The following SCAMP1 variants were observed in gnomAD, a reference collection of about 807,000 sequenced individuals.
SCAMP1 encodes secretory carrier-associated membrane protein 1.
Under a neutral mutation model 41.8 loss-of-function variants are expected in SCAMP1, and 15 were observed. The observed-to-expected ratio is 0.36, with a 90% CI of 0.24 to 0.55. SCAMP1 has a LOEUF of 0.55. Ranked by LOEUF, SCAMP1 falls within the 20% of genes least tolerant of loss-of-function variation. SCAMP1 has a pLI of 0.86. For missense variants in SCAMP1, 341 were observed against 412.6 expected (o/e 0.83, Z 1.50); for synonymous variants, 135 against 136.8 (o/e 0.99, Z 0.09).
At chr5:78,384,756 A>G (rs1208123395) in intron 1 of SCAMP1, among the ~76,000 whole-genome samples, 24 of 152,038 alleles carry the variant, frequency 1.6e-4, no homozygotes, top group Admixed American at 1.6e-3. Flanking sequence ...TATCACATTT[A>G]TTGACTTGTG....
At chr5:78,409,787 A>C (rs1752025574) in intron 2 of SCAMP1, among the ~76,000 whole-genome samples, 1 of 152,150 alleles carries the variant, frequency 6.6e-6, no homozygotes, top group Non-Finnish European at 1.5e-5. Flanking sequence ...CTACTAGTTT[A>C]TTATACTTAA....
intron 8 of SCAMP1, among the ~76,000 whole-genome samples, chr5:78,463,263 C>G (rs1753662231): frequency 6.6e-6 from 1 of 152,256 alleles, no homozygotes; most frequent in South Asian, 2.1e-4. Flanking sequence ...TCTGCTAAGA[C>G]TTTGCAATGA....
intron 1 of SCAMP1, chr5:78,370,920 A>G (rs895247662): frequency 2.0e-5 from 3 of 152,176 alleles, no homozygotes; most frequent in African/African-American, 7.2e-5. Context: ...TCTGCTGATA[A>G]CTAATGATGT....
Position 78,416,647 on chromosome 5 carries a change from A to G in SCAMP1, c.341A>G (p.His114Arg), listed in dbSNP as rs1354791577. ...REREMQNLSQ[H>R]GRKNNWPPLP... ...CGAGAAATGCAAAACCTCAGTCAAC[A>G]TGGTAGTATCCAAAGAAATTTGAAA... Residue 114 changes from histidine (H) to arginine (R), a missense_variant and splice_region_variant, in exon 4 of 9, where the codon CAT becomes CGT. Physicochemically the swap from His to Arg is conservative, Grantham distance 29. Coordinates refer to ENST00000621999, the MANE Select transcript of SCAMP1 (RefSeq NM_004866.6). 3 of 1,576,550 alleles carry G rather than the reference A, an allele frequency of 1.9e-6. No individual in the cohort carries two copies. Among genetic ancestry groups the G allele is most frequent in the African/African-American group, 1.4e-5 (1 of 73,758 alleles).
rs905145403 is a variant in SCAMP1, at chr5:78,479,721, T to G, written c.*4053T>G. On this transcript the variant is annotated 3_prime_UTR_variant, in exon 9 of 9. Transcript: ENST00000621999. ...GGGTTTTATATTTACAATTTAACTT[T>G]GGGGTTTGGGTAAGACAAACATTTA... is the stretch of plus-strand genomic sequence containing the variant. Among the ~76,000 whole-genome samples the G allele has an allele frequency of 7.2e-5, 11 of 152,200 alleles. No individual in the cohort carries two copies. The highest frequency in any genetic ancestry group is 1.3e-4 in the Non-Finnish European group (9 of 68,028).
chr5:78,433,141 C>T (rs962409580), intron 6 of SCAMP1, among the ~76,000 whole-genome samples: 12 of 152,046 alleles, frequency 7.9e-5, no homozygotes, highest in African/African-American at 2.9e-4. Flanking sequence ...TGTTGGCCAC[C>T]TTTTTGACTA....
chr5:78,375,437 A>G (rs912334581), intron 1 of SCAMP1, among the ~76,000 whole-genome samples: 1 of 152,172 alleles, frequency 6.6e-6, no homozygotes, highest in Non-Finnish European at 1.5e-5. Flanking sequence ...AACCCAAGTC[A>G]TAAAGCTCTT....
intron 6 of SCAMP1, among the ~76,000 whole-genome samples, chr5:78,448,954 T>C (rs987729128): frequency 1.3e-5 from 2 of 150,540 alleles, no homozygotes; most frequent in African/African-American, 4.9e-5. Context: ...GAGCCAAGAT[T>C]GCGCCATTGC....
chr5:78,379,788 G>A (rs1159556428), intron 1 of SCAMP1, among the ~76,000 whole-genome samples: 4 of 152,176 alleles, frequency 2.6e-5, no homozygotes, highest in African/African-American at 9.7e-5. Context: ...TCGTACTTCT[G>A]TGGCACTGAG....
At chr5:78,383,748 T>C (rs1332133082) in intron 1 of SCAMP1, among the ~76,000 whole-genome samples, 2 of 152,060 alleles carry the variant, frequency 1.3e-5, no homozygotes, top group African/African-American at 4.8e-5. Context: ...CGGTAAGTAT[T>C]TGGGTTTATT....
At chr5:78,470,758 T>C (rs1219124023) in intron 8 of SCAMP1, among the ~76,000 whole-genome samples, 1 of 152,176 alleles carries the variant, frequency 6.6e-6, no homozygotes, top group African/African-American at 2.4e-5. Flanking sequence ...CTGGAAGGAC[T>C]GTATCATTTT....
intron 6 of SCAMP1, among the ~76,000 whole-genome samples, chr5:78,447,216 T>C (rs1362668902): frequency 6.6e-6 from 1 of 152,186 alleles, no homozygotes; most frequent in African/African-American, 2.4e-5. Context: ...GCCAAAAAGG[T>C]TGGGGACCAC....
chr5:78,463,852 A>AT (rs1753675874), intron 8 of SCAMP1, among the ~76,000 whole-genome samples: 1 of 127,656 alleles, frequency 7.8e-6, no homozygotes, highest in African/African-American at 3.2e-5. Flanking sequence ...TAGTATACAG[A>AT]TTTTATCTTA....
chr5:78,381,287 G>T (rs993824180), intron 1 of SCAMP1, among the ~76,000 whole-genome samples: 3 of 152,140 alleles, frequency 2.0e-5, no homozygotes, highest in Non-Finnish European at 2.9e-5. Flanking sequence ...GAGCCTGTAA[G>T]GAAGAGGAAG....
At chr5:78,417,591 C>T (rs898025028) in intron 4 of SCAMP1, among the ~76,000 whole-genome samples, 4 of 152,182 alleles carry the variant, frequency 2.6e-5, no homozygotes, top group Admixed American at 6.6e-5. Flanking sequence ...TACTTTTCCC[C>T]TCTTAACTCA....
At chr5:78,448,956 C>G (rs113441326) in intron 6 of SCAMP1, among the ~76,000 whole-genome samples, 2 of 151,224 alleles carry the variant, frequency 1.3e-5, no homozygotes, top group East Asian at 3.9e-4. Context: ...GCCAAGATTG[C>G]GCCATTGCAC....
At chr5:78,453,250 A>T (rs1188833221) in intron 7 of SCAMP1, among the ~76,000 whole-genome samples, 1 of 151,350 alleles carries the variant, frequency 6.6e-6, no homozygotes, top group Non-Finnish European at 1.5e-5. Flanking sequence ...TTGGACATGA[A>T]GTCCTTGCCC....
chr5:78,416,617 G>T lies in SCAMP1; in HGVS notation c.311G>T (p.Arg104Leu). 6.3e-7 allele frequency: 1 copy of T among 1,593,716 alleles called. No individual in the cohort carries two copies. Among genetic ancestry groups the T allele is most frequent in the Non-Finnish European group, 8.5e-7 (1 of 1,169,774 alleles). The change falls in exon 4 of 9, where the codon CGG becomes CTG. Residue 104 changes from arginine (R) to leucine (L), a missense_variant. Coordinates refer to ENST00000621999, the MANE Select transcript of SCAMP1 (RefSeq NM_004866.6). The part of the protein sequence containing the change: ...LERKAAELDR[R>L]EREMQNLSQH... ...AGAAAAGCCGCAGAATTAGATCGTC[G>T]GGAACGAGAAATGCAAAACCTCAGT...
intron 6 of SCAMP1, among the ~76,000 whole-genome samples, chr5:78,449,000 C>A (rs375111380): frequency 1.8e-3 from 241 of 136,426 alleles, no homozygotes; most frequent in Non-Finnish European, 2.3e-3. Flanking sequence ...AACTCCGTCT[C>A]AAAAAAAAAA....
Sources: gnomAD v4.1 joint callset for allele counts (sites outside exome capture counted in the v4.1 genomes callset) on GRCh38, gnomAD v4.1.1 for gene constraint, MANE v1.5 for transcripts, NCBI Gene and HGNC (gene_info 2026-07-23, HGNC 2026-07-21) for gene names.